Variants in TAFA1 observed in about 807,000 individuals in gnomAD.
TAFA1 encodes chemokine-like protein TAFA-1.
Under a neutral mutation model 18.5 loss-of-function variants are expected in TAFA1, and 4 were observed. That is an observed-to-expected ratio of 0.22 (90% CI 0.11 to 0.49). The LOEUF is 0.49. TAFA1 is among the 20% of genes least tolerant of loss of function. The pLI, the probability that TAFA1 is intolerant of heterozygous loss-of-function variation, is 0.98. For synonymous variants in TAFA1, 56 were observed against 55.2 expected (o/e 1.01, Z -0.06); for missense variants, 147 against 169.0 (o/e 0.87, Z 0.72).
intron 2 of TAFA1, among the ~76,000 whole-genome samples, chr3:68,375,626 A>C: frequency 6.6e-6 from 1 of 152,284 alleles, no homozygotes; most frequent in Non-Finnish European, 1.5e-5. Flanking sequence ...TTCTTTGTTC[A>C]ATTCAATTCA....
chr3:68,154,831 A>G (rs2065848192), intron 2 of TAFA1, among the ~76,000 whole-genome samples: 1 of 151,990 alleles, frequency 6.6e-6, no homozygotes, highest in Admixed American at 6.6e-5. Flanking sequence ...TTTAACTTCT[A>G]TTTTCTGCCC....
At chr3:68,142,162 G>A (rs994601096) in intron 2 of TAFA1, among the ~76,000 whole-genome samples, 7 of 152,196 alleles carry the variant, frequency 4.6e-5, no homozygotes, top group African/African-American at 1.4e-4. Flanking sequence ...TTCCATACAT[G>A]AGGAAATGCT....
chr3:68,458,273 C>T (rs530714370), intron 3 of TAFA1, among the ~76,000 whole-genome samples: 13 of 152,258 alleles, frequency 8.5e-5, no homozygotes, highest in South Asian at 2.1e-4. Context: ...TTGAAAGTTT[C>T]CTGAGGCCTC....
At chr3:68,408,701 G>A (rs906491269) in intron 2 of TAFA1, among the ~76,000 whole-genome samples, 5 of 151,746 alleles carry the variant, frequency 3.3e-5, no homozygotes, top group African/African-American at 1.2e-4. Flanking sequence ...TATTATTCCA[G>A]GCACAAGAGA....
intron 3 of TAFA1, among the ~76,000 whole-genome samples, chr3:68,424,833 T>A (rs1405145352): frequency 6.6e-6 from 1 of 151,972 alleles, no homozygotes; most frequent in Non-Finnish European, 1.5e-5. Flanking sequence ...TTTCCCAAAC[T>A]TTTTAGAACC....
intron 2 of TAFA1, among the ~76,000 whole-genome samples, chr3:68,134,109 G>T (rs2065578175): frequency 6.8e-6 from 1 of 147,990 alleles, no homozygotes; most frequent in African/African-American, 2.5e-5. Flanking sequence ...AACAATGATT[G>T]ATTCATTGGA....
In TAFA1 at chr3:68,541,879, A is replaced by G. The variant is rs182007214; in HGVS notation, c.385-2607A>G. Among the ~76,000 whole-genome samples, 308 of 152,332 alleles carry G rather than the reference A, an allele frequency of 2.0e-3. 2 individuals carry two copies. Among genetic ancestry groups the G allele is most frequent in the African/African-American group, 7.1e-3 (296 of 41,582 alleles). On this transcript the variant is annotated intron_variant, in intron 4 of 4. Transcript: ENST00000478136. ...ACAAAATTCTCTTCGAAATGTGGTT[A>G]AATAATGTTTCAAAGTCTGATCTAA...
chr3:68,232,475 C>T (rs982235111), intron 2 of TAFA1, among the ~76,000 whole-genome samples: 1 of 152,096 alleles, frequency 6.6e-6, no homozygotes, highest in Non-Finnish European at 1.5e-5. Context: ...ACTTTGGTTG[C>T]TTCTCTATTT....
chr3:68,377,563 A>G (rs1486464414), intron 2 of TAFA1, among the ~76,000 whole-genome samples: 1 of 152,222 alleles, frequency 6.6e-6, no homozygotes, highest in Non-Finnish European at 1.5e-5. Flanking sequence ...TGCAATAGAA[A>G]AGAAAATCCC....
intron 2 of TAFA1, among the ~76,000 whole-genome samples, chr3:68,348,655 A>G (rs1260545539): frequency 6.6e-6 from 1 of 152,124 alleles, no homozygotes; most frequent in Non-Finnish European, 1.5e-5. Context: ...TGAAACGCCA[A>G]TAAATTGCAA....
At chr3:68,368,700 A>C (rs1283647016) in intron 2 of TAFA1, among the ~76,000 whole-genome samples, 1 of 152,086 alleles carries the variant, frequency 6.6e-6, no homozygotes, top group Non-Finnish European at 1.5e-5. Flanking sequence ...GCACAGGTAT[A>C]TGTGGGAAGG....
chr3:68,538,751 C>T lies in TAFA1; in HGVS notation c.260-5C>T, dbSNP rs538787653. The T allele has an allele frequency of 1.3e-5, 21 of 1,613,032 alleles. No individual in the cohort carries two copies. In the East Asian group the frequency reaches 4.2e-4, roughly 33 times the overall value. On this transcript the variant is annotated splice_region_variant and splice_polypyrimidine_tract_variant and intron_variant, in intron 3 of 4. Coordinates refer to ENST00000478136, the MANE Select transcript of TAFA1 (RefSeq NM_213609.4). ...CAAACACAGTTGTTTCCTGTTTCTG[C>T]ACAGCCTCCATAGTGATTGGGAAAT...
chr3:68,537,313 G>A (rs1186157117), intron 3 of TAFA1, among the ~76,000 whole-genome samples: 3 of 152,098 alleles, frequency 2.0e-5, no homozygotes, highest in Admixed American at 2.0e-4. Context: ...GTACATGAGG[G>A]AGAATCACAG....
chr3:68,447,958 G>A (rs1025833830), intron 3 of TAFA1, among the ~76,000 whole-genome samples: 1 of 152,186 alleles, frequency 6.6e-6, no homozygotes, highest in Non-Finnish European at 1.5e-5. Flanking sequence ...GTACAAAGGA[G>A]AGAAATAAAG....
intron 2 of TAFA1, among the ~76,000 whole-genome samples, chr3:68,348,839 A>T (rs1397270403): frequency 6.6e-6 from 1 of 152,108 alleles, no homozygotes; most frequent in Non-Finnish European, 1.5e-5. Flanking sequence ...TTAGTTCATG[A>T]AAAGTAGCAT....
intron 2 of TAFA1, among the ~76,000 whole-genome samples, chr3:68,312,601 A>G (rs192364459): frequency 6.6e-6 from 1 of 152,238 alleles, no homozygotes; most frequent in African/African-American, 2.4e-5. Context: ...CTTCATCTCC[A>G]TCTGATACCA....
intron 3 of TAFA1, among the ~76,000 whole-genome samples, chr3:68,485,605 G>T (rs546972445): frequency 2.0e-5 from 3 of 152,126 alleles, no homozygotes; most frequent in African/African-American, 7.2e-5. Context: ...TAAGCAAATT[G>T]TAGTTACTAT....
chr3:68,024,805 G>GCA (rs3037727), intron 2 of TAFA1, among the ~76,000 whole-genome samples: 3,567 of 73,632 alleles, frequency 0.048, 127 homozygotes, highest in African/African-American at 0.16. Context: ...TCTCCTTAAT[G>GCA]CACACACACA....
chr3:68,040,818 T>TA (rs1705147261), intron 2 of TAFA1, among the ~76,000 whole-genome samples: 1 of 152,242 alleles, frequency 6.6e-6, no homozygotes, highest in African/African-American at 2.4e-5. Flanking sequence ...TAGCCTTTTA[T>TA]AATTTACATT....
Sources: allele counts gnomAD v4.1 joint callset (sites outside exome capture counted in the v4.1 genomes callset), GRCh38; gene constraint gnomAD v4.1.1; transcripts MANE v1.5; gene names NCBI Gene and HGNC (gene_info 2026-07-23, HGNC 2026-07-21).